Variants in PEX6 observed in about 807,000 individuals in gnomAD.
The protein encoded by PEX6 is peroxisome biogenesis factor 6.
PEX6 carries 55 observed loss-of-function variants against 85.6 expected under a neutral mutation model. That is an observed-to-expected ratio of 0.64 (90% CI 0.52 to 0.80). PEX6 has a LOEUF of 0.80. Among genes scored for constraint, PEX6 ranks in the 30% least tolerant of loss-of-function variants. PEX6 has a pLI of 0.00. For missense variants in PEX6, 1,099 were observed against 1,260.3 expected (o/e 0.87, Z 1.94); for synonymous variants, 519 against 549.1 (o/e 0.95, Z 0.77).
Position 42,978,649 on chromosome 6 carries a change from G to A in PEX6, c.502C>T (p.Pro168Ser). ...GGCCGACTGCTGTCCCCAGACTCTG[G>A]ACACAGTCTGGCCCGCCCGCGGAGC... The part of the protein sequence containing the change: ...TELRGRARLC[P>S]ESGDSSRPPP... Residue 168 changes from proline (P) to serine (S), a missense_variant, in exon 1 of 17, where the codon CCA becomes TCA. Transcript: ENST00000304611. The A allele has an allele frequency of 6.3e-7, 1 of 1,576,388 alleles. No homozygotes were observed. Among genetic ancestry groups the A allele is most frequent in the Non-Finnish European group, 8.6e-7 (1 of 1,167,722 alleles).
intron 6 of PEX6, among the ~76,000 whole-genome samples, 166 bp downstream of exon 6, chr6:42,968,708 A>C (rs1769939368): frequency 6.6e-6 from 1 of 152,212 alleles, no homozygotes; most frequent in Admixed American, 6.5e-5. Flanking sequence ...CCTCCTTGAA[A>C]GTACCTCTCC....
rs548839896 is a variant in PEX6, at chr6:42,964,010, G to A, written c.*325C>T. 37 of 464,442 alleles carry A rather than the reference G, an allele frequency of 8.0e-5. No homozygotes were observed. Among genetic ancestry groups the A allele is most frequent in the African/African-American group, 7.7e-4 (36 of 47,032 alleles). The allele number at this position is 464,442 out of a possible 1,614,324, so 28.8% of individuals were successfully genotyped here. A position where few individuals can be genotyped will look rare whatever the true frequency, so the allele number is the denominator to read the frequency against. On this transcript the variant is annotated 3_prime_UTR_variant, in exon 17 of 17. Transcript: ENST00000304611. This position sits in a 1 kb window ranked among gnomAD's most constrained non-coding sequence, Gnocchi z 4.6. Reference sequence around the variant, plus strand: ...AACCTTTCATGCCACAACACCAGTAGGGGGCGGGACATGCTTTATTTTCAG... The same window carrying A: ...AACCTTTCATGCCACAACACCAGTAAGGGGCGGGACATGCTTTATTTTCAG...
In PEX6 at chr6:42,969,723, G is replaced by A; in HGVS notation, c.1312C>T (p.Leu438=). 5.6e-6 allele frequency: 9 copies of A among 1,613,690 alleles called. No individual in the cohort carries two copies. Among genetic ancestry groups the A allele is most frequent in the Non-Finnish European group, 6.8e-6 (8 of 1,180,006 alleles). ...CAGAGTTCAGACACCAAGGCCTCCA[G>A]GCCTGGAGGAGACAAACTGCTCCAG... ...TLWSSLSPPG[L]EALVSELCAV... is the part of the protein sequence containing the mutation. Residue 438 remains leucine (L), a synonymous_variant, in exon 5 of 17, where the codon CTG becomes TTG. Coordinates refer to ENST00000304611, the MANE Select transcript of PEX6 (RefSeq NM_000287.4).
chr6:42,975,141 T>G, intron 1 of PEX6, 103 bp from the exon 2 acceptor site: 1 of 1,017,868 alleles, frequency 9.8e-7, no homozygotes, highest in Non-Finnish European at 1.5e-6. Flanking sequence ...GTCTTTCCCA[T>G]AACCACAAGG....
rs1453868874 is a variant in PEX6 at position 42,964,614 on chromosome 6, T to C, written c.2807-143A>G. 2 of 1,318,656 alleles carry C rather than the reference T, an allele frequency of 1.5e-6. No individual in the cohort carries two copies. The highest frequency in any genetic ancestry group is 3.0e-5 in the African/African-American group (2 of 67,656). The allele number at this position is 1,318,656 out of a possible 1,614,324, so 81.7% of individuals were successfully genotyped here. A position where few individuals can be genotyped will look rare whatever the true frequency, so the allele number is the denominator to read the frequency against. ...ACTAGGTTTGTCTCCCACTAGTTTT[T>C]TTTTTCCCTTAAACATTTTTTTTAG... is the stretch of plus-strand genomic sequence containing the variant. On this transcript the variant is annotated intron_variant, in intron 16 of 16. Transcript: ENST00000304611. The surrounding 1 kb of genome is among the most constrained non-coding windows in gnomAD (Gnocchi z 4.6).
At position 42,964,524 on chromosome 6, in the gene PEX6, C is replaced by T. The variant is rs753458401; in HGVS notation, c.2807-53G>A. 1.4e-5 allele frequency: 23 copies of T among 1,607,638 alleles called. No individual in the cohort carries two copies. Among genetic ancestry groups the T allele is most frequent in the Middle Eastern group, 2.1e-4 (1 of 4,756 alleles). On this transcript the variant is annotated intron_variant, in intron 16 of 16. Coordinates refer to ENST00000304611, the MANE Select transcript of PEX6 (RefSeq NM_000287.4). The surrounding 1 kb of genome is among the most constrained non-coding windows in gnomAD (Gnocchi z 4.6). Reference sequence around the variant, plus strand: ...GGTCTATGCCCAGGCAGGGGAGAGCCCTGCGAAGGTGGCTTCCTGCTCAGG... The same window carrying T: ...GGTCTATGCCCAGGCAGGGGAGAGCTCTGCGAAGGTGGCTTCCTGCTCAGG...
rs1282410534 is a variant in PEX6, at chr6:42,978,788, C to T, written c.363G>A (p.Gly121=). The T allele has an allele frequency of 4.6e-6, 7 of 1,534,318 alleles. No individual in the cohort carries two copies. The African/African-American group carries it at 6.8e-5, about 15-fold the overall frequency. ...SLGPGLGPRV[G]PLLVRRGETL... is the part of the protein sequence containing the mutation. ...TCTCTCCGCGCCTCACCAGCAGCGG[C>T]CCGACTCGCGGTCCGAGCCCAGGCC... Residue 121 remains glycine (G), a synonymous_variant, in exon 1 of 17, where the codon GGG becomes GGA. Coordinates refer to ENST00000304611, the MANE Select transcript of PEX6 (RefSeq NM_000287.4).
At position 42,978,941 on chromosome 6, in the gene PEX6, C is replaced by T. The variant is rs398123304; in HGVS notation, c.210G>A (p.Gly70=). ...PDAGTEEQGP[G]PPQLLVSRAL... is the part of the protein sequence containing the mutation. The stretch of plus-strand genomic sequence containing the variant: ...CGCGGCTAACCAGTAGCTGCGGCGG[C>T]CCGGGACCCTGCTCTTCGGTGCCCG... The change falls in exon 1 of 17, where the codon GGG becomes GGA. Residue 70 remains glycine, a synonymous_variant. Transcript: ENST00000304611. 0.011 allele frequency: 17,077 copies of T among 1,494,934 alleles called. 124 individuals carry two copies. The highest frequency in any genetic ancestry group is 0.014 in the Non-Finnish European group (15,855 of 1,130,752). 92.6% of individuals were successfully genotyped at this position (1,494,934 alleles called of 1,614,324 possible).
Position 42,963,921 on chromosome 6 carries a change from G to GTAT in PEX6, c.*413_*414insATA. ...TATGTCAGAAGGATCAGGCTCCCAT[G>GTAT]CTGCCCACCCCCCCACCCTCTCCCA... On this transcript the variant is annotated 3_prime_UTR_variant, in exon 17 of 17. Transcript: ENST00000304611. 1.6e-6 allele frequency: 1 copy of GTAT among 630,638 alleles called. No homozygotes were observed. Among genetic ancestry groups the GTAT allele is most frequent in the Non-Finnish European group, 2.9e-6 (1 of 346,904 alleles). The allele number at this position is 630,638 out of a possible 1,614,324, so 39.1% of individuals were successfully genotyped here.
chr6:42,965,689 CA>C lies in PEX6; in HGVS notation c.2462del (p.Val821GlyfsTer13). ...SRGRSGDSGG[V>X]MDRVVSQLLA... The stretch of plus-strand genomic sequence containing the variant: ...CCCACTCAGACCCCTACCTGTCCAT[CA>C]CTCCTCCAGAATCTCCACTTCGCCC... On this transcript the variant is annotated frameshift_variant, in exon 13 of 17. Coordinates refer to ENST00000304611, the MANE Select transcript of PEX6 (RefSeq NM_000287.4). LOFTEE classifies it high-confidence loss of function. The surrounding 1 kb of genome is among the most constrained non-coding windows in gnomAD (Gnocchi z 5.0). The C allele has an allele frequency of 1.2e-6, 2 of 1,612,428 alleles. No individual in the cohort carries two copies. Among genetic ancestry groups the C allele is most frequent in the Non-Finnish European group, 1.7e-6 (2 of 1,178,420 alleles).
rs745958842 is a variant in PEX6 at position 42,964,494 on chromosome 6, G to A, written c.2807-23C>T. The A allele has an allele frequency of 1.5e-5, 24 of 1,612,526 alleles. No individual in the cohort carries two copies. The South Asian group carries it at 2.3e-4, about 15-fold the overall frequency. On this transcript the variant is annotated intron_variant, in intron 16 of 16. Transcript: ENST00000304611. The surrounding 1 kb of genome is among the most constrained non-coding windows in gnomAD (Gnocchi z 4.6). ...GCCCTGGAGATGACAAGGTGGGGAG[G>A]CTGTGGTCTATGCCCAGGCAGGGGA...
intron 6 of PEX6, 65 bp from the exon 7 acceptor site, chr6:42,968,563 G>A (rs1769934223): frequency 3.6e-6 from 5 of 1,389,430 alleles, no homozygotes; most frequent in Non-Finnish European, 4.0e-6. Flanking sequence ...GGAGAATCAG[G>A]GGAGGAGGAG....
At chr6:42,974,711 T>C (rs1208087967) in intron 2 of PEX6, among the ~76,000 whole-genome samples, 164 bp downstream of exon 2, 1 of 151,860 alleles carries the variant, frequency 6.6e-6, no homozygotes, top group South Asian at 2.1e-4. Context: ...TCCGCCCACC[T>C]CGGCCTCCCA....
chr6:42,964,350 C>T lies in PEX6; in HGVS notation c.2928G>A (p.Lys976=), dbSNP rs1230978438. The T allele has an allele frequency of 3.8e-5, 62 of 1,613,684 alleles. No individual in the cohort carries two copies. In the East Asian group the frequency reaches 1.3e-3, roughly 34 times the overall value. Residue 976 remains lysine, a synonymous_variant, in exon 17 of 17, where the codon AAG becomes AAA. Transcript: ENST00000304611. This position sits in a 1 kb window ranked among gnomAD's most constrained non-coding sequence, Gnocchi z 4.6. Reference sequence around the variant, plus strand: ...TGGGGGGCTCCTAGCAGGCAGCAAACTTGCGCTGGATGCGCTTGTACCGGA... The same window carrying T: ...TGGGGGGCTCCTAGCAGGCAGCAAATTTGCGCTGGATGCGCTTGTACCGGA... ...ELLRYKRIQR[K]FAAC
chr6:42,964,623 T>G lies in PEX6; in HGVS notation c.2807-152A>C. On this transcript the variant is annotated intron_variant, in intron 16 of 16. Coordinates refer to ENST00000304611, the MANE Select transcript of PEX6 (RefSeq NM_000287.4). The surrounding 1 kb of genome is among the most constrained non-coding windows in gnomAD (Gnocchi z 4.6). ...GTCTCCCACTAGTTTTTTTTTTCCC[T>G]TAAACATTTTTTTTAGAGTTGGGGT... The G allele has an allele frequency of 7.5e-7, 1 of 1,326,864 alleles. No individual in the cohort carries two copies. The highest frequency in any genetic ancestry group is 1.2e-5 in the South Asian group (1 of 80,570). The allele number at this position is 1,326,864 out of a possible 1,614,324, so 82.2% of individuals were successfully genotyped here.
At position 42,968,412 on chromosome 6, in the gene PEX6, C is replaced by G; in HGVS notation, c.1566G>C (p.Arg522=). ...QAIFSRARRC[R]PAVLLLTAVD... ...CAGCTGTGAGCAACAGGACTGCAGG[C>G]CGGCAACGGCGGGCCCGGGAGAAGA... The change falls in exon 7 of 17, where the codon CGG becomes CGC. Residue 522 remains arginine (R), a synonymous_variant. Transcript: ENST00000304611. The G allele has an allele frequency of 1.2e-6, 2 of 1,613,872 alleles. No homozygotes were observed. The highest frequency in any genetic ancestry group is 1.7e-6 in the Non-Finnish European group (2 of 1,179,954).
chr6:42,974,440 A>ATTTTTTTT (rs1770185303), intron 2 of PEX6, among the ~76,000 whole-genome samples: 1 of 94,070 alleles, frequency 1.1e-5, no homozygotes, highest in Non-Finnish European at 2.1e-5. Flanking sequence ...TCTGTCTGAA[A>ATTTTTTTT]TGTTTTTTTT....
At chr6:42,977,209 CTAAT>C (rs1280867963) in intron 1 of PEX6, among the ~76,000 whole-genome samples, 2 of 149,766 alleles carry the variant, frequency 1.3e-5, no homozygotes, top group East Asian at 1.9e-4. Context: ...ATTCAATAAA[CTAAT>C]TAGATTGAGT....
intron 2 of PEX6, among the ~76,000 whole-genome samples, chr6:42,974,546 C>T (rs569971868): frequency 6.7e-6 from 1 of 149,954 alleles, no homozygotes; most frequent in South Asian, 2.1e-4. Context: ...CAAGCTCCAC[C>T]TCCCGGGTTC....
Sources: allele counts gnomAD v4.1 joint callset (sites outside exome capture counted in the v4.1 genomes callset), GRCh38; gene constraint gnomAD v4.1.1; non-coding constraint Gnocchi (gnomAD v3.1); transcripts MANE v1.5; gene names NCBI Gene and HGNC (gene_info 2026-07-23, HGNC 2026-07-21).